The following RAB3C variants were observed in gnomAD, a reference collection of about 807,000 sequenced individuals.
RAB3C encodes the protein RAB3C, member RAS oncogene family, also known as ras-related protein Rab-3C.
Under a neutral mutation model 26.4 loss-of-function variants are expected in RAB3C, and 17 were observed. The ratio of observed to expected loss-of-function variants is 0.64; its 90% CI spans 0.44 to 0.97. The LOEUF is 0.97. Ranked by LOEUF, RAB3C falls within the 50% of genes least tolerant of loss-of-function variation. The pLI, the probability that RAB3C is intolerant of heterozygous loss-of-function variation, is 0.00. For missense variants in RAB3C, 242 were observed against 281.9 expected (o/e 0.86, Z 1.01); for synonymous variants, 91 against 95.9 (o/e 0.95, Z 0.30).
At chr5:58,714,978 TGA>T (rs1300861589) in intron 2 of RAB3C, among the ~76,000 whole-genome samples, 1 of 151,974 alleles carries the variant, frequency 6.6e-6, no homozygotes, top group Non-Finnish European at 1.5e-5. Context: ...AAAAATACTA[TGA>T]GAAAGAAAAA....
intron 2 of RAB3C, among the ~76,000 whole-genome samples, chr5:58,701,055 G>T (rs1295266142): frequency 4.6e-5 from 7 of 152,034 alleles, no homozygotes; most frequent in African/African-American, 9.6e-5. Flanking sequence ...GAGTGCAGTG[G>T]TGTGATCTGG....
At chr5:58,638,752 G>C (rs960946034) in intron 2 of RAB3C, among the ~76,000 whole-genome samples, 1 of 152,204 alleles carries the variant, frequency 6.6e-6, no homozygotes, top group African/African-American at 2.4e-5. Context: ...ATGGATCACT[G>C]TTAGAAGCTC....
chr5:58,827,949 T>G (rs904702151), intron 4 of RAB3C, among the ~76,000 whole-genome samples: 2 of 152,250 alleles, frequency 1.3e-5, no homozygotes, highest in African/African-American at 2.4e-5. Flanking sequence ...TGCACATTGT[T>G]TTTTAAAAGT....
intron 1 of RAB3C, among the ~76,000 whole-genome samples, chr5:58,602,108 A>G (rs1348978325): frequency 6.6e-6 from 1 of 151,810 alleles, no homozygotes. Flanking sequence ...TTTTTGACCC[A>G]GTGTTCATTC....
intron 4 of RAB3C, among the ~76,000 whole-genome samples, chr5:58,848,786 AT>A (rs930682934): frequency 6.6e-6 from 1 of 152,024 alleles, no homozygotes; most frequent in Non-Finnish European, 1.5e-5. Flanking sequence ...GAAATTAAGG[AT>A]TTTTTTTAAA....
rs147850307 is a variant in RAB3C, at chr5:58,822,621, T to C, written c.372-2417T>C. 238 of 311,840 alleles carry C rather than the reference T, an allele frequency of 7.6e-4. 1 individual carries two copies. The highest frequency in any genetic ancestry group is 4.8e-3 in the African/African-American group (222 of 46,706). The allele number at this position is 311,840 out of a possible 1,614,324, so 19.3% of individuals were successfully genotyped here. ...CTCAGAAACACTCTGTGATACAGGATAAAAATAAATACAACACACTCAAAT... is the reference window on the plus strand; with the variant it reads ...CTCAGAAACACTCTGTGATACAGGACAAAAATAAATACAACACACTCAAAT... On this transcript the variant is annotated intron_variant, in intron 3 of 4. Transcript: ENST00000282878.
chr5:58,773,409 T>G (rs1345457048), intron 3 of RAB3C, among the ~76,000 whole-genome samples: 1 of 152,154 alleles, frequency 6.6e-6, no homozygotes, highest in Non-Finnish European at 1.5e-5. Flanking sequence ...ATCATAGGAC[T>G]GCAACTACCT....
At chr5:58,677,630 C>A (rs879828063) in intron 2 of RAB3C, among the ~76,000 whole-genome samples, 2 of 152,140 alleles carry the variant, frequency 1.3e-5, no homozygotes, top group Admixed American at 1.3e-4. Flanking sequence ...GACACCAATG[C>A]TCAATAAATT....
intron 3 of RAB3C, among the ~76,000 whole-genome samples, chr5:58,752,360 A>T (rs982953971): frequency 1.3e-5 from 2 of 151,844 alleles, no homozygotes; most frequent in African/African-American, 2.4e-5. Context: ...AACCATGAAA[A>T]CTCCCAGCAA....
chr5:58,715,889 G>T (rs2111904028), intron 2 of RAB3C, among the ~76,000 whole-genome samples: 1 of 152,124 alleles, frequency 6.6e-6, no homozygotes, highest in Middle Eastern at 3.4e-3. Context: ...AGAGCGTCAT[G>T]CCCTGGAAGA....
At chr5:58,711,326 A>G (rs917424315) in intron 2 of RAB3C, among the ~76,000 whole-genome samples, 4 of 152,164 alleles carry the variant, frequency 2.6e-5, no homozygotes, top group Non-Finnish European at 5.9e-5. Flanking sequence ...ACTCATTAAC[A>G]TGATCAATAA....
intron 2 of RAB3C, among the ~76,000 whole-genome samples, chr5:58,687,066 G>A (rs1265578873): frequency 1.3e-5 from 2 of 152,090 alleles, no homozygotes; most frequent in African/African-American, 4.8e-5. Flanking sequence ...CAACCACCCA[G>A]CTCCCCAGTG....
intron 3 of RAB3C, among the ~76,000 whole-genome samples, chr5:58,778,793 C>G (rs1297300286): frequency 1.3e-5 from 2 of 152,082 alleles, no homozygotes; most frequent in Admixed American, 1.3e-4. Context: ...GTTTAGACTC[C>G]TCTTCCATGT....
At chr5:58,585,160 AT>A (rs1278973235) in intron 1 of RAB3C, among the ~76,000 whole-genome samples, 4 of 152,010 alleles carry the variant, frequency 2.6e-5, no homozygotes, top group African/African-American at 9.7e-5. Context: ...TTTTTAGCAT[AT>A]TTAATTAAAG....
At chr5:58,807,556 G>C (rs969824901) in intron 3 of RAB3C, among the ~76,000 whole-genome samples, 2 of 152,180 alleles carry the variant, frequency 1.3e-5, no homozygotes, top group African/African-American at 4.8e-5. Flanking sequence ...TGAGTTCCTG[G>C]CACGAGCTGT....
intron 2 of RAB3C, among the ~76,000 whole-genome samples, chr5:58,719,184 A>G (rs550368576): frequency 1.3e-5 from 2 of 152,182 alleles, no homozygotes; most frequent in South Asian, 4.1e-4. Context: ...TTTTTGTCAT[A>G]TCAAGCAACA....
intron 2 of RAB3C, among the ~76,000 whole-genome samples, chr5:58,710,177 C>T (rs1749027454): frequency 6.6e-6 from 1 of 152,058 alleles, no homozygotes; most frequent in Non-Finnish European, 1.5e-5. Context: ...GTACTATCAT[C>T]CCACTATGGT....
chr5:58,644,160 A>G (rs903642702), intron 2 of RAB3C, among the ~76,000 whole-genome samples: 1 of 152,138 alleles, frequency 6.6e-6, no homozygotes, highest in Admixed American at 6.5e-5. Flanking sequence ...CTGGCCCTCT[A>G]TGACATAATA....
At chr5:58,808,531 C>A (rs1033397450) in intron 3 of RAB3C, among the ~76,000 whole-genome samples, 4 of 152,178 alleles carry the variant, frequency 2.6e-5, no homozygotes, top group Non-Finnish European at 5.9e-5. Context: ...TTGGGCAAAT[C>A]TTATGCAGGC....
Sources: gnomAD v4.1 joint callset for allele counts (sites outside exome capture counted in the v4.1 genomes callset) on GRCh38, gnomAD v4.1.1 for gene constraint, MANE v1.5 for transcripts, NCBI Gene and HGNC (gene_info 2026-07-23, HGNC 2026-07-21) for gene names.